CACNA1C: variants seen among roughly 807,000 people sequenced by gnomAD.
CACNA1C encodes voltage-dependent L-type calcium channel subunit alpha-1C.
Under a neutral mutation model 229.0 loss-of-function variants are expected in CACNA1C, and 30 were observed. That is an observed-to-expected ratio of 0.13 (90% CI 0.10 to 0.18). The LOEUF (loss-of-function observed/expected upper bound fraction) is 0.18, where lower values mean the gene tolerates loss of function less well. CACNA1C is among the 10% of genes least tolerant of loss of function. The pLI, the probability that CACNA1C is intolerant of heterozygous loss-of-function variation, is 1.00. For missense variants in CACNA1C, 1,658 were observed against 2,845.0 expected (o/e 0.58, Z 9.49); for synonymous variants, 1,114 against 1,132.5 (o/e 0.98, Z 0.33).
At chr12:2,661,305 A>C in intron 34 of CACNA1C, among the ~76,000 whole-genome samples, 1 of 151,032 alleles carries the variant, frequency 6.6e-6, no homozygotes, top group Non-Finnish European at 1.5e-5. Context: ...ACACACACAC[A>C]CACACACACA....
chr12:2,000,106 C>T (rs2041852102), intron 1 of CACNA1C, among the ~76,000 whole-genome samples: 1 of 152,168 alleles, frequency 6.6e-6, no homozygotes, highest in Admixed American at 6.5e-5. Context: ...GTAAATGCTA[C>T]CTGAACAGTA....
At chr12:2,408,086 G>A (rs184796353) in intron 3 of CACNA1C, among the ~76,000 whole-genome samples, 3 of 152,284 alleles carry the variant, frequency 2.0e-5, no homozygotes, top group Non-Finnish European at 2.9e-5. Flanking sequence ...TCCAACACAC[G>A]CTACAACATG....
intron 1 of CACNA1C, among the ~76,000 whole-genome samples, chr12:2,063,701 G>C (rs1380639378): frequency 1.3e-5 from 2 of 152,152 alleles, no homozygotes; most frequent in Non-Finnish European, 2.9e-5. Context: ...GTTCATCCAC[G>C]TTGTACCATG....
Position 2,438,865 on chromosome 12 carries a change from T to C in CACNA1C, c.478-10111T>C, listed in dbSNP as rs555130739. 7.2e-5 allele frequency among the ~76,000 whole-genome samples: 11 copies of C among 152,186 alleles called. No individual in the cohort carries two copies. In the South Asian group the frequency reaches 2.1e-3, roughly 29 times the overall value. On this transcript the variant is annotated intron_variant, in intron 3 of 46. Coordinates refer to ENST00000399655, the MANE Select transcript of CACNA1C (RefSeq NM_000719.7). The stretch of plus-strand genomic sequence containing the variant: ...AGGATCCTGTTCCCTGGGCCAGGTG[T>C]TGGTCTAACTCCTGAAAGAAGGTGG...
At chr12:2,658,880 TA>T (rs1312871031) in intron 34 of CACNA1C, among the ~76,000 whole-genome samples, 1 of 151,816 alleles carries the variant, frequency 6.6e-6, no homozygotes, top group African/African-American at 2.4e-5. Context: ...AGTTCAATAT[TA>T]AAAAAACATA....
At chr12:2,359,051 A>G (rs1190728364) in intron 3 of CACNA1C, among the ~76,000 whole-genome samples, 3 of 152,096 alleles carry the variant, frequency 2.0e-5, no homozygotes, top group Non-Finnish European at 4.4e-5. Flanking sequence ...CTGATTTTTC[A>G]TATCATCCCC....
intron 3 of CACNA1C, among the ~76,000 whole-genome samples, chr12:2,318,609 A>T (rs1304010742): frequency 6.6e-6 from 1 of 152,250 alleles, no homozygotes; most frequent in Non-Finnish European, 1.5e-5. Flanking sequence ...TAAGGGTCCC[A>T]GAAATCAGAG....
chr12:2,570,761 TG>T (rs1005579401), intron 13 of CACNA1C, among the ~76,000 whole-genome samples: 5 of 152,068 alleles, frequency 3.3e-5, no homozygotes, highest in African/African-American at 1.2e-4. Flanking sequence ...GTGGTGGGCG[TG>T]GGAATTACCT....
At chr12:2,246,484 A>G (rs893421977) in intron 3 of CACNA1C, among the ~76,000 whole-genome samples, 2 of 152,134 alleles carry the variant, frequency 1.3e-5, no homozygotes, top group Non-Finnish European at 2.9e-5. Flanking sequence ...TTTCTGAGTA[A>G]TAGCAGCTAA....
intron 3 of CACNA1C, among the ~76,000 whole-genome samples, chr12:2,424,627 G>A (rs1393630100): frequency 6.6e-6 from 1 of 152,108 alleles, no homozygotes; most frequent in Non-Finnish European, 1.5e-5. Context: ...GCTGAGAGTG[G>A]GGCCCAGAGC....
At chr12:1,978,436 A>T (rs541216798) in intron 1 of CACNA1C, among the ~76,000 whole-genome samples, 1 of 152,350 alleles carries the variant, frequency 6.6e-6, no homozygotes, top group African/African-American at 2.4e-5. Context: ...TGGTTAATAA[A>T]TGTCAGGAAA....
chr12:2,560,848 T>A (rs1379325277), intron 11 of CACNA1C, among the ~76,000 whole-genome samples: 24 of 113,070 alleles, frequency 2.1e-4, no homozygotes, highest in South Asian at 1.1e-3. Flanking sequence ...TTGGTTCTGG[T>A]AAAAAAAAAA....
chr12:2,327,647 T>C (rs2096377620), intron 3 of CACNA1C, among the ~76,000 whole-genome samples: 1 of 152,214 alleles, frequency 6.6e-6, no homozygotes, highest in Admixed American at 6.5e-5. Flanking sequence ...TGAACCTGAT[T>C]GGCTAAGCTT....
rs1396430038 is a variant in CACNA1C, at chr12:2,165,591, G to A, written c.477+45161G>A. The stretch of plus-strand genomic sequence containing the variant: ...ACCAACTAAAAGAGTGGTAGATGGC[G>A]GGATGAACATCGCCCAGCTTTAGAC... On this transcript the variant is annotated intron_variant, in intron 3 of 46. Transcript: ENST00000399655. 3.3e-5 allele frequency among the ~76,000 whole-genome samples: 5 copies of A among 152,186 alleles called. No individual in the cohort carries two copies. The South Asian group carries it at 6.2e-4, about 19-fold the overall frequency.
chr12:2,279,260 T>C (rs1162934072), intron 3 of CACNA1C, among the ~76,000 whole-genome samples: 8 of 152,234 alleles, frequency 5.3e-5, no homozygotes, highest in Non-Finnish European at 1.5e-5. Flanking sequence ...GACCATCTGT[T>C]CAGTTCCATT....
rs530541048 is a variant in CACNA1C at position 1,971,534 on chromosome 12, T to A, written c.139+333T>A. 6.6e-6 allele frequency among the ~76,000 whole-genome samples: 1 copy of A among 152,248 alleles called. No homozygotes were observed. The highest frequency in any genetic ancestry group is 2.4e-5 in the African/African-American group (1 of 41,472). On this transcript the variant is annotated intron_variant, in intron 1 of 46. Transcript: ENST00000682462. The surrounding 1 kb of genome is among the most constrained non-coding windows in gnomAD (Gnocchi z 4.2). ...TCAAAATTTCCATATAGACTTCATG[T>A]CTGGATTTTTTAGGTCCACAAAGAC...
chr12:2,419,147 C>A (rs1430144753), intron 3 of CACNA1C, among the ~76,000 whole-genome samples: 1 of 152,186 alleles, frequency 6.6e-6, no homozygotes, highest in Non-Finnish European at 1.5e-5. Context: ...TAGAGAAATA[C>A]CTGAGGCTGG....
intron 9 of CACNA1C, among the ~76,000 whole-genome samples, chr12:2,528,955 T>G (rs1457847011): frequency 1.3e-5 from 2 of 152,224 alleles, no homozygotes; most frequent in Non-Finnish European, 2.9e-5. Context: ...ATTAGTGGTC[T>G]GAGCTAGCTT....
intron 3 of CACNA1C, among the ~76,000 whole-genome samples, chr12:2,378,404 A>G (rs926199852): frequency 3.9e-5 from 6 of 152,138 alleles, no homozygotes; most frequent in African/African-American, 1.4e-4. Context: ...TTACATTAGA[A>G]CATCACAGGG....
Sources: gnomAD v4.1 joint callset for allele counts (sites outside exome capture counted in the v4.1 genomes callset) on GRCh38, gnomAD v4.1.1 for gene constraint, Gnocchi (gnomAD v3.1) non-coding constraint, MANE v1.5 for transcripts, NCBI Gene and HGNC (gene_info 2026-07-23, HGNC 2026-07-21) for gene names.